Variants in TNFRSF1B observed in about 807,000 individuals in gnomAD.
The protein encoded by TNFRSF1B is TNF receptor superfamily member 1B, also known as tumor necrosis factor receptor superfamily member 1B.
Under a neutral mutation model 44.6 loss-of-function variants are expected in TNFRSF1B, and 19 were observed. The ratio of observed to expected loss-of-function variants is 0.43; its 90% CI spans 0.30 to 0.62. TNFRSF1B has a LOEUF of 0.62. TNFRSF1B is among the 20% of genes least tolerant of loss of function. The pLI is 0.16. For synonymous variants in TNFRSF1B, 252 were observed against 261.1 expected (o/e 0.97, Z 0.34); for missense variants, 541 against 619.9 (o/e 0.87, Z 1.35).
At chr1:12,191,463 G>T (rs146086357) in intron 3 of TNFRSF1B, among the ~76,000 whole-genome samples, 1 of 151,864 alleles carries the variant, frequency 6.6e-6, no homozygotes, top group Non-Finnish European at 1.5e-5. Flanking sequence ...GAGCAGGACT[G>T]CAGGGAGGAG....
intron 8 of TNFRSF1B, among the ~76,000 whole-genome samples, chr1:12,196,803 C>T (rs766025662): frequency 1.4e-4 from 21 of 152,180 alleles, no homozygotes; most frequent in Non-Finnish European, 2.4e-4. Flanking sequence ...TGGTGGCGTG[C>T]GTAGAGCAGG....
chr1:12,196,873 G>A (rs780610100), intron 8 of TNFRSF1B, among the ~76,000 whole-genome samples: 44 of 152,016 alleles, frequency 2.9e-4, no homozygotes, highest in Non-Finnish European at 5.9e-4. Context: ...CCCACCAAGC[G>A]TTTCCCAATC....
intron 2 of TNFRSF1B, 38 bp from the exon 3 acceptor site, chr1:12,190,919 G>T (rs770651649): frequency 3.7e-6 from 6 of 1,603,342 alleles, no homozygotes; most frequent in East Asian, 2.2e-5. Flanking sequence ...CTGGCAGAAG[G>T]CTCGCCCAGC....
intron 1 of TNFRSF1B, among the ~76,000 whole-genome samples, chr1:12,183,850 TCTAC>T (rs1314465065): frequency 3.3e-4 from 45 of 137,472 alleles, no homozygotes; most frequent in African/African-American, 1.1e-3. Flanking sequence ...TATCTATCTA[TCTAC>T]CTACCTACCT....
intron 9 of TNFRSF1B, among the ~76,000 whole-genome samples, chr1:12,206,428 T>C (rs1639504262): frequency 6.6e-6 from 1 of 151,860 alleles, no homozygotes. Flanking sequence ...CTTGAACTCC[T>C]GGGCTCAAGC....
chr1:12,178,607 G>A lies in TNFRSF1B; in HGVS notation c.79-10189G>A, dbSNP rs1187307715. Among the ~76,000 whole-genome samples the A allele has an allele frequency of 1.3e-5, 2 of 152,112 alleles. No homozygotes were observed. The highest frequency in any genetic ancestry group is 2.9e-5 in the Non-Finnish European group (2 of 68,024). On this transcript the variant is annotated intron_variant, in intron 1 of 9. Transcript: ENST00000376259. This position sits in a 1 kb window ranked among gnomAD's most constrained non-coding sequence, Gnocchi z 4.3. ...GGGTTGTCACAGGAGCCCCTAGGAG[G>A]GACCTCTGACCTCCCTGAAATGATG...
chr1:12,187,342 A>C lies in TNFRSF1B; in HGVS notation c.79-1454A>C, dbSNP rs945810764. Among the ~76,000 whole-genome samples, 1 of 152,052 alleles carries C rather than the reference A, an allele frequency of 6.6e-6. No individual in the cohort carries two copies. Among genetic ancestry groups the C allele is most frequent in the African/African-American group, 2.4e-5 (1 of 41,400 alleles). ...ATAATTTTGTATTTTTAGTAGAGACAGGGTTTTGCCTTGTTGGCCAGGCTG... is the reference window on the plus strand; with the variant it reads ...ATAATTTTGTATTTTTAGTAGAGACCGGGTTTTGCCTTGTTGGCCAGGCTG... On this transcript the variant is annotated intron_variant, in intron 1 of 9. Coordinates refer to ENST00000376259, the MANE Select transcript of TNFRSF1B (RefSeq NM_001066.3). This position sits in a 1 kb window ranked among gnomAD's most constrained non-coding sequence, Gnocchi z 5.5.
chr1:12,187,646 A>G lies in TNFRSF1B; in HGVS notation c.79-1150A>G, dbSNP rs979970951. Among the ~76,000 whole-genome samples the G allele has an allele frequency of 6.6e-6, 1 of 152,208 alleles. No homozygotes were observed. Among genetic ancestry groups the G allele is most frequent in the African/African-American group, 2.4e-5 (1 of 41,452 alleles). On this transcript the variant is annotated intron_variant, in intron 1 of 9. Transcript: ENST00000376259. The surrounding 1 kb of genome is among the most constrained non-coding windows in gnomAD (Gnocchi z 5.5). ...TCCTGTTCTATAAAATGGCTGCAGT[A>G]GGGAAACCGTCTCCATCTTCATTGG...
Position 12,193,952 on chromosome 1 carries a change from T to A in TNFRSF1B, c.788-3T>A. 6.2e-7 allele frequency: 1 copy of A among 1,613,444 alleles called. No homozygotes were observed. Among genetic ancestry groups the A allele is most frequent in the Non-Finnish European group, 8.5e-7 (1 of 1,179,354 alleles). ...GCTGTCTGAGCTTCTCTTTTCTTTCTAGGACTGATTGTGGGTGTGACAGCC... is the reference window on the plus strand; with the variant it reads ...GCTGTCTGAGCTTCTCTTTTCTTTCAAGGACTGATTGTGGGTGTGACAGCC... On this transcript the variant is annotated splice_polypyrimidine_tract_variant and splice_region_variant and intron_variant, in intron 6 of 9. Transcript: ENST00000376259.
intron 3 of TNFRSF1B, 119 bp downstream of exon 3, chr1:12,191,204 G>A (rs1451128676): frequency 2.3e-5 from 32 of 1,361,706 alleles, no homozygotes; most frequent in Non-Finnish European, 2.8e-5. Context: ...GTTGGAAGTG[G>A]CACAGGTGCA....
At chr1:12,172,232 G>A (rs368506691) in intron 1 of TNFRSF1B, among the ~76,000 whole-genome samples, 31 of 152,274 alleles carry the variant, frequency 2.0e-4, no homozygotes, top group African/African-American at 6.0e-4. Context: ...CTGGACCCTC[G>A]TCTGGCCACA....
At position 12,205,553 on chromosome 1, in the gene TNFRSF1B, G is replaced by C. The variant is rs1267213597; in HGVS notation, c.1106-1187G>C. Among the ~76,000 whole-genome samples, 10 of 152,208 alleles carry C rather than the reference G, an allele frequency of 6.6e-5. No homozygotes were observed. In the East Asian group the frequency reaches 1.9e-3, roughly 29 times the overall value. ...AGGCTGTTCACACCCATCCAGATGG[G>C]AGTGAGGGGAGGCTTCCATAGCCCA... On this transcript the variant is annotated intron_variant, in intron 9 of 9. Coordinates refer to ENST00000376259, the MANE Select transcript of TNFRSF1B (RefSeq NM_001066.3).
Position 12,168,354 on chromosome 1 carries a change from G to A in TNFRSF1B, c.78+1185G>A, listed in dbSNP as rs971249737. Among the ~76,000 whole-genome samples, 1 of 152,194 alleles carries A rather than the reference G, an allele frequency of 6.6e-6. No homozygotes were observed. Among genetic ancestry groups the A allele is most frequent in the Non-Finnish European group, 1.5e-5 (1 of 68,018 alleles). ...TCCAGTTCTTGTGGGTGGAAGATGG[G>A]GGCTGTCAGACTAGAATTGACTCAC... On this transcript the variant is annotated intron_variant, in intron 1 of 9. Transcript: ENST00000376259. This position sits in a 1 kb window ranked among gnomAD's most constrained non-coding sequence, Gnocchi z 4.7.
intron 9 of TNFRSF1B, among the ~76,000 whole-genome samples, chr1:12,205,692 G>C (rs1349451598): frequency 6.6e-6 from 1 of 152,170 alleles, no homozygotes; most frequent in Non-Finnish European, 1.5e-5. Context: ...CGTGATTTCG[G>C]CTCACTGCAA....
chr1:12,174,139 TCTTCTTCTTCTTCTTCTTCTTCTTCTC>T (rs1638583572), intron 1 of TNFRSF1B, among the ~76,000 whole-genome samples: 21 of 79,796 alleles, frequency 2.6e-4, no homozygotes, highest in African/African-American at 5.3e-4. Context: ...TTCTTCTTCT[TCTTCTTCTTCTTCTTCTTCTTCTTCTC>T]CTTCTCCTTC....
At position 12,202,141 on chromosome 1, in the gene TNFRSF1B, G is replaced by T; in HGVS notation, c.1075G>T (p.Gly359Trp). ...QAPGVEASGA[G>W]EARASTGSSD... ...ACCAGGCGTGGAGGCCAGTGGGGCC[G>T]GGGAGGCCCGGGCCAGCACCGGGAG... The change falls in exon 9 of 10, where the codon GGG (glycine) becomes TGG (tryptophan). Residue 359 changes from glycine (G) to tryptophan (W), a missense_variant. Gly to Trp is a radical substitution (Grantham distance 184, BLOSUM62 -2). Transcript: ENST00000376259. 6.4e-7 allele frequency: 1 copy of T among 1,554,082 alleles called. No individual in the cohort carries two copies. Among genetic ancestry groups the T allele is most frequent in the Non-Finnish European group, 8.7e-7 (1 of 1,149,832 alleles).
intron 9 of TNFRSF1B, among the ~76,000 whole-genome samples, chr1:12,205,014 A>T (rs1460721666): frequency 2.6e-5 from 4 of 151,922 alleles, no homozygotes; most frequent in South Asian, 4.2e-4. Flanking sequence ...CGTCTCTACT[A>T]AAAAAATAAA....
intron 8 of TNFRSF1B, 41 bp downstream of exon 8, chr1:12,194,659 T>C (rs1639227080): frequency 6.2e-7 from 1 of 1,612,292 alleles, no homozygotes; most frequent in Non-Finnish European, 8.5e-7. Flanking sequence ...TCCCCTGGTC[T>C]CCTTCCCGGC....
rs1639005558 is a variant in TNFRSF1B at position 12,187,168 on chromosome 1, T to C, written c.79-1628T>C. ...TTTTCTCCCCTCTTTTTTTTTTTTT[T>C]TCGAGATGGAGTTTTGCTCTGTCAA... On this transcript the variant is annotated intron_variant, in intron 1 of 9. Transcript: ENST00000376259. The surrounding 1 kb of genome is among the most constrained non-coding windows in gnomAD (Gnocchi z 5.5). 6.6e-6 allele frequency among the ~76,000 whole-genome samples: 1 copy of C among 151,708 alleles called. No individual in the cohort carries two copies. Among genetic ancestry groups the C allele is most frequent in the African/African-American group, 2.4e-5 (1 of 41,286 alleles).
Sources: gnomAD v4.1 joint callset for allele counts (sites outside exome capture counted in the v4.1 genomes callset) on GRCh38, gnomAD v4.1.1 for gene constraint, Gnocchi (gnomAD v3.1) non-coding constraint, MANE v1.5 for transcripts, NCBI Gene and HGNC (gene_info 2026-07-23, HGNC 2026-07-21) for gene names.